KCNK3: variants seen among roughly 807,000 people sequenced by gnomAD.
KCNK3 encodes potassium two pore domain channel subfamily K member 3, also known as potassium channel subfamily K member 3.
KCNK3 carries 9 observed loss-of-function variants against 27.3 expected under a neutral mutation model. That is an observed-to-expected ratio of 0.33 (90% CI 0.20 to 0.57). The LOEUF is 0.57. Among genes scored for constraint, KCNK3 ranks in the 20% least tolerant of loss-of-function variants. The pLI, the probability that KCNK3 is intolerant of heterozygous loss-of-function variation, is 0.87. For synonymous variants in KCNK3, 278 were observed against 273.8 expected, an observed-to-expected ratio of 1.02 and a Z score of -0.15; for missense variants, 391 against 577.7, an observed-to-expected ratio of 0.68 and a Z score of 3.31.
intron 1 of KCNK3, among the ~76,000 whole-genome samples, chr2:26,722,044 A>C (rs1368602559): frequency 6.6e-6 from 1 of 152,180 alleles, no homozygotes; most frequent in African/African-American, 2.4e-5. Flanking sequence ...TGCTCCCAGA[A>C]ACACTTGCTC....
At chr2:26,709,354 C>T (rs932573238) in intron 1 of KCNK3, among the ~76,000 whole-genome samples, 11 of 152,112 alleles carry the variant, frequency 7.2e-5, no homozygotes, top group Admixed American at 4.6e-4. Flanking sequence ...AAGAGCAGAG[C>T]GCCCAGCCCT....
rs1302224780 is a variant in KCNK3 at position 26,731,305 on chromosome 2, G to C, written c.*2737G>C. On this transcript the variant is annotated 3_prime_UTR_variant, in exon 2 of 2. Coordinates refer to ENST00000302909, the MANE Select transcript of KCNK3 (RefSeq NM_002246.3). ...GTCTACAAACATATCTAGCTGCTGGGTGCCGTGGCTCACACCTATAGTCAC... is the reference window on the plus strand; with the variant it reads ...GTCTACAAACATATCTAGCTGCTGGCTGCCGTGGCTCACACCTATAGTCAC... 6.6e-6 allele frequency: 1 copy of C among 152,340 alleles called. No homozygotes were observed. Among genetic ancestry groups the C allele is most frequent in the Non-Finnish European group, 1.5e-5 (1 of 68,160 alleles). 9.4% of individuals were successfully genotyped at this position (152,340 alleles called of 1,614,324 possible). A position where few individuals can be genotyped will look rare whatever the true frequency, so the allele number is the denominator to read the frequency against.
At chr2:26,695,881 TG>T (rs1253702557) in intron 1 of KCNK3, among the ~76,000 whole-genome samples, 1 of 152,132 alleles carries the variant, frequency 6.6e-6, no homozygotes, top group African/African-American at 2.4e-5. Context: ...CCTGGTTCTG[TG>T]GGGGCCCCTC....
intron 1 of KCNK3, among the ~76,000 whole-genome samples, chr2:26,726,100 CACACACAG>C (rs1353455172): frequency 4.1e-4 from 45 of 109,754 alleles, no homozygotes; most frequent in Middle Eastern, 4.0e-3. Flanking sequence ...CACACACACA[CACACACAG>C]AGAGAGAGAG....
At chr2:26,709,611 G>A (rs963965132) in intron 1 of KCNK3, among the ~76,000 whole-genome samples, 2 of 152,166 alleles carry the variant, frequency 1.3e-5, no homozygotes, top group Non-Finnish European at 2.9e-5. Context: ...AGCGAGGGAA[G>A]GGGAGGGTGG....
At chr2:26,699,308 C>T (rs1213734721) in intron 1 of KCNK3, among the ~76,000 whole-genome samples, 1 of 151,866 alleles carries the variant, frequency 6.6e-6, no homozygotes, top group Non-Finnish European at 1.5e-5. Context: ...TGTGTTTGGC[C>T]AGAGATCTTT....
intron 1 of KCNK3, among the ~76,000 whole-genome samples, chr2:26,710,076 G>C (rs1033414774): frequency 1.3e-5 from 2 of 152,208 alleles, no homozygotes; most frequent in African/African-American, 4.8e-5. Context: ...TGTGTCCTCA[G>C]CTGGGCCCCA....
rs1248166790 is a variant in KCNK3, at chr2:26,727,821, G to A, written c.438G>A (p.Gly146=). The change falls in exon 2 of 2, where the codon GGG becomes GGA. Residue 146 remains glycine (G), a synonymous_variant. Coordinates refer to ENST00000302909, the MANE Select transcript of KCNK3 (RefSeq NM_002246.3). ...VRYLLHRAKK[G]LGMRRADVSM... ...ACCTGCTGCACCGCGCCAAGAAGGG[G>A]CTGGGCATGCGGCGCGCCGACGTGT... 4 of 1,611,698 alleles carry A rather than the reference G, an allele frequency of 2.5e-6. No individual in the cohort carries two copies. The highest frequency in any genetic ancestry group is 3.4e-6 in the Non-Finnish European group (4 of 1,178,198).
intron 1 of KCNK3, among the ~76,000 whole-genome samples, chr2:26,701,804 G>A (rs1193936359): frequency 1.3e-5 from 2 of 152,152 alleles, no homozygotes; most frequent in African/African-American, 4.8e-5. Context: ...GTGAGGCGTG[G>A]TGGCGCATGC....
intron 1 of KCNK3, among the ~76,000 whole-genome samples, chr2:26,695,629 C>G (rs1044251457): frequency 6.6e-6 from 1 of 152,182 alleles, no homozygotes; most frequent in African/African-American, 2.4e-5. Context: ...TCTCTGTGCT[C>G]CAAGTGCCAG....
In KCNK3 at chr2:26,721,051, A is replaced by T. The variant is rs1311062074; in HGVS notation, c.284-6616A>T. Among the ~76,000 whole-genome samples, 1 of 152,100 alleles carries T rather than the reference A, an allele frequency of 6.6e-6. No homozygotes were observed. The highest frequency in any genetic ancestry group is 2.4e-5 in the African/African-American group (1 of 41,422). ...TGAGTCACCCGAGGCCCTCCTGCCA[A>T]GGGCCACCTCCCGTCCCCATCCTGG... On this transcript the variant is annotated intron_variant, in intron 1 of 1. Transcript: ENST00000302909. This position sits in a 1 kb window ranked among gnomAD's most constrained non-coding sequence, Gnocchi z 4.3.
rs1283837773 is a variant in KCNK3, at chr2:26,692,882, C to A, written c.7C>A (p.Arg3=). The A allele has an allele frequency of 5.2e-6, 7 of 1,355,312 alleles. No homozygotes were observed. In the Admixed American group the frequency reaches 8.4e-5, roughly 16 times the overall value. The allele number at this position is 1,355,312 out of a possible 1,614,324, so 84.0% of individuals were successfully genotyped here. The change falls in exon 1 of 2, where the codon CGG becomes AGG. Residue 3 remains arginine, a synonymous_variant. Coordinates refer to ENST00000302909, the MANE Select transcript of KCNK3 (RefSeq NM_002246.3). This position sits in a 1 kb window ranked among gnomAD's most constrained non-coding sequence, Gnocchi z 5.6. ...CGGCGGCCCGGGCGGGACGATGAAG[C>A]GGCAGAACGTGCGCACGCTGGCGCT... MK[R]QNVRTLALIV...
intron 1 of KCNK3, among the ~76,000 whole-genome samples, chr2:26,708,053 T>C (rs1670396990): frequency 6.6e-6 from 1 of 152,148 alleles, no homozygotes; most frequent in South Asian, 2.1e-4. Context: ...GGGGCCACTT[T>C]AGAGGAAGTA....
chr2:26,699,168 A>T (rs1294503837), intron 1 of KCNK3, among the ~76,000 whole-genome samples: 1 of 145,370 alleles, frequency 6.9e-6, no homozygotes, highest in Non-Finnish European at 1.5e-5. Context: ...ACACAGCAAG[A>T]CTCCGTCTCA....
rs138883878 is a variant in KCNK3, at chr2:26,694,693, G to A, written c.283+1535G>A. ...CTGCCCAAAGAGGAGCCCGCTTCCT[G>A]AAAAACACCAGCCCAGATTTGGTCT... On this transcript the variant is annotated intron_variant, in intron 1 of 1. Coordinates refer to ENST00000302909, the MANE Select transcript of KCNK3 (RefSeq NM_002246.3). Among the ~76,000 whole-genome samples, 669 of 152,230 alleles carry A rather than the reference G, an allele frequency of 4.4e-3. 7 individuals carry two copies. Among genetic ancestry groups the A allele is most frequent in the African/African-American group, 0.015 (640 of 41,532 alleles).
At position 26,728,195 on chromosome 2, in the gene KCNK3, G is replaced by A. The variant is rs752862203; in HGVS notation, c.812G>A (p.Gly271Asp). 5 of 1,564,718 alleles carry A rather than the reference G, an allele frequency of 3.2e-6. No individual in the cohort carries two copies. Among genetic ancestry groups the A allele is most frequent in the Middle Eastern group, 1.7e-4 (1 of 5,968 alleles). The stretch of plus-strand genomic sequence containing the variant: ...CTGCTCACGCGCAACGGGCAGGCGG[G>A]CGGCGGCGGAGGGGGTGGCAGCGCG... ...RALLTRNGQA[G>D]GGGGGGSAHT... is the part of the protein sequence containing the mutation. The change falls in exon 2 of 2, where the codon GGC (glycine) becomes GAC (aspartate). Residue 271 changes from glycine (G) to aspartate (D), a missense_variant. By Grantham distance (94) the Gly-to-Asp change is moderately conservative. Transcript: ENST00000302909.
intron 1 of KCNK3, among the ~76,000 whole-genome samples, chr2:26,720,743 G>A (rs1251193836): frequency 6.6e-6 from 1 of 152,166 alleles, no homozygotes; most frequent in African/African-American, 2.4e-5. Flanking sequence ...TGGGAGAGGA[G>A]ATGGGACAAT....
chr2:26,707,299 G>A (rs1670387663), intron 1 of KCNK3, among the ~76,000 whole-genome samples: 1 of 152,194 alleles, frequency 6.6e-6, no homozygotes, highest in South Asian at 2.1e-4. Context: ...GGGAGCACTG[G>A]TGCTGAGGGC....
chr2:26,698,520 G>C (rs948142263), intron 1 of KCNK3, among the ~76,000 whole-genome samples: 5 of 152,230 alleles, frequency 3.3e-5, no homozygotes, highest in Admixed American at 3.3e-4. Context: ...CTGGTACAGA[G>C]AAGGCACTTA....
Sources: gnomAD v4.1 joint callset for allele counts (sites outside exome capture counted in the v4.1 genomes callset) on GRCh38, gnomAD v4.1.1 for gene constraint, Gnocchi (gnomAD v3.1) non-coding constraint, MANE v1.5 for transcripts, NCBI Gene and HGNC (gene_info 2026-07-23, HGNC 2026-07-21) for gene names.